Variants in PDCD11 observed in about 807,000 individuals in gnomAD.
The protein encoded by PDCD11 is protein RRP5 homolog.
A neutral mutation model predicts 198.9 loss-of-function variants in PDCD11; 97 were observed. The ratio of observed to expected loss-of-function variants is 0.49; its 90% CI spans 0.41 to 0.58. The LOEUF (loss-of-function observed/expected upper bound fraction) is 0.58. Ranked by LOEUF, PDCD11 falls within the 20% of genes least tolerant of loss-of-function variation. The pLI is 0.00. For missense variants in PDCD11, 2,102 were observed against 2,312.7 expected (o/e 0.91, Z 1.87); for synonymous variants, 893 against 918.0 (o/e 0.97, Z 0.49).
At position 103,406,624 on chromosome 10, in the gene PDCD11, T is replaced by C. The variant is rs760474442; in HGVS notation, c.704T>C (p.Val235Ala). Reference protein sequence around the residue: ...RQKNKGAKLKVGQYLNCIVEK... With the variant: ...RQKNKGAKLKAGQYLNCIVEK... ...GGGCTTACAGGTGCTAAACTAAAGGTGGGTCAGTACCTGAACTGCATTGTT... is the reference window on the plus strand; with the variant it reads ...GGGCTTACAGGTGCTAAACTAAAGGCGGGTCAGTACCTGAACTGCATTGTT... The change falls in exon 7 of 36, where the codon GTG becomes GCG. Residue 235 changes from valine to alanine, a missense_variant. Physicochemically the swap from Val to Ala is moderately conservative, Grantham distance 64. Transcript: ENST00000369797. The C allele has an allele frequency of 1.2e-6, 2 of 1,613,786 alleles. No individual in the cohort carries two copies. The highest frequency in any genetic ancestry group is 1.7e-6 in the Non-Finnish European group (2 of 1,179,960).
chr10:103,429,762 T>C (rs1042119296), intron 21 of PDCD11, among the ~76,000 whole-genome samples: 1 of 152,230 alleles, frequency 6.6e-6, no homozygotes, highest in Non-Finnish European at 1.5e-5. Context: ...TTGTCTTGCG[T>C]GACTGAAACT....
At position 103,434,940 on chromosome 10, in the gene PDCD11, G is replaced by T. The variant is rs772234093; in HGVS notation, c.3810G>T (p.Thr1270=). Residue 1270 remains threonine (T), a synonymous_variant, in exon 25 of 36, where the codon ACG becomes ACT. Transcript: ENST00000369797. ...ACATGAGTGACTCCTACTCCGAGAC[G>T]CCCCTGGAAGACTTCGTCCCCCAGA... ...IFHMSDSYSE[T]PLEDFVPQKV... 3.8e-6 allele frequency: 6 copies of T among 1,587,002 alleles called. No homozygotes were observed. In the African/African-American group the frequency reaches 4.1e-5, roughly 11 times the overall value.
intron 28 of PDCD11, among the ~76,000 whole-genome samples, chr10:103,440,081 G>A (rs2032314032): frequency 6.6e-6 from 1 of 152,216 alleles, no homozygotes; most frequent in African/African-American, 2.4e-5. Flanking sequence ...GTTGGGGATG[G>A]TGGAGGGGGC....
intron 27 of PDCD11, among the ~76,000 whole-genome samples, chr10:103,439,271 G>A (rs1049994954): frequency 2.6e-5 from 4 of 152,200 alleles, no homozygotes; most frequent in African/African-American, 9.6e-5. Flanking sequence ...GAGCCCATAA[G>A]TTCGAGGTTA....
chr10:103,411,795 T>C (rs2133692920), intron 8 of PDCD11, among the ~76,000 whole-genome samples: 1 of 152,288 alleles, frequency 6.6e-6, no homozygotes, highest in Middle Eastern at 3.4e-3. Flanking sequence ...CTATAAGCAT[T>C]TGTGTATAGA....
At chr10:103,444,931 C>T (rs917147951) in intron 35 of PDCD11, among the ~76,000 whole-genome samples, 2 of 152,246 alleles carry the variant, frequency 1.3e-5, no homozygotes, top group Non-Finnish European at 2.9e-5. Context: ...ATAATTAACA[C>T]TGTTCCTGAC....
rs983779247 is a variant in PDCD11 at position 103,405,202 on chromosome 10, G to A, written c.564+19G>A. On this transcript the variant is annotated intron_variant, in intron 5 of 35. Transcript: ENST00000369797. ...TGGCATGGTAGGTGTCTAGGGTCGG[G>A]GAGGAAGAGTGGCAATGTGCCTTCT... 1 of 1,611,520 alleles carries A rather than the reference G, an allele frequency of 6.2e-7. No individual in the cohort carries two copies. The highest frequency in any genetic ancestry group is 8.5e-7 in the Non-Finnish European group (1 of 1,179,244).
intron 31 of PDCD11, 57 bp from the exon 32 acceptor site, chr10:103,442,156 A>T (rs1193802868): frequency 2.5e-6 from 4 of 1,598,250 alleles, no homozygotes; most frequent in Middle Eastern, 3.4e-4. Flanking sequence ...TCCACCACAG[A>T]CCTCCCCTAG....
At position 103,398,401 on chromosome 10, in the gene PDCD11, T is replaced by C; in HGVS notation, c.-11-15T>C. On this transcript the variant is annotated splice_polypyrimidine_tract_variant and intron_variant, in intron 1 of 35. Transcript: ENST00000369797. ...CAAGACAACATGTCACCATTATCCT[T>C]TGCATTGTTTTTAGGAGACCCAAAC... 1 of 1,469,758 alleles carries C rather than the reference T, an allele frequency of 6.8e-7. No individual in the cohort carries two copies. Among genetic ancestry groups the C allele is most frequent in the Non-Finnish European group, 9.5e-7 (1 of 1,048,432 alleles). The allele number at this position is 1,469,758 out of a possible 1,614,324, so 91.0% of individuals were successfully genotyped here.
At chr10:103,407,577 A>AAT (rs1014354389) in intron 7 of PDCD11, among the ~76,000 whole-genome samples, 2 of 151,822 alleles carry the variant, frequency 1.3e-5, no homozygotes, top group Non-Finnish European at 2.9e-5. Flanking sequence ...AAACAAACAA[A>AAT]ATATATATAT....
chr10:103,403,002 G>GTAA, intron 3 of PDCD11, 116 bp from the exon 4 acceptor site: 1 of 965,840 alleles, frequency 1.0e-6, no homozygotes, highest in Non-Finnish European at 1.6e-6. Context: ...ATTATAGGGC[G>GTAA]TAAGCCACTG....
chr10:103,416,397 C>T, intron 12 of PDCD11, 94 bp from the exon 13 acceptor site: 2 of 1,292,612 alleles, frequency 1.5e-6, no homozygotes, highest in South Asian at 1.3e-5. Flanking sequence ...TGGGGAATGG[C>T]CCCGTGGCTT....
chr10:103,418,282 A>G (rs1474592270), intron 14 of PDCD11, among the ~76,000 whole-genome samples, 158 bp from the exon 15 acceptor site: 1 of 152,154 alleles, frequency 6.6e-6, no homozygotes, highest in African/African-American at 2.4e-5. Context: ...ACGTACATGC[A>G]TGCTGGGTGG....
Position 103,421,568 on chromosome 10 carries a change from G to T in PDCD11, c.2497+1G>T, listed in dbSNP as rs2031430968. The stretch of plus-strand genomic sequence containing the variant: ...GTGCGCAGCCTTATGAGCAACCGAG[G>T]TGGGGCACCTGTGGGGCAGGGGAGG... On this transcript the variant is annotated splice_donor_variant, in intron 17 of 35. Coordinates refer to ENST00000369797, the MANE Select transcript of PDCD11 (RefSeq NM_014976.2). LOFTEE classifies it high-confidence loss of function. The T allele has an allele frequency of 1.3e-6, 2 of 1,554,944 alleles. No individual in the cohort carries two copies. Among genetic ancestry groups the T allele is most frequent in the Non-Finnish European group, 1.7e-6 (2 of 1,148,968 alleles).
At chr10:103,402,878 C>T (rs1176069367) in intron 3 of PDCD11, among the ~76,000 whole-genome samples, 1 of 152,080 alleles carries the variant, frequency 6.6e-6, no homozygotes, top group Admixed American at 6.6e-5. Context: ...CGACTACAGG[C>T]GTGTACCACT....
At chr10:103,418,377 T>C in intron 14 of PDCD11, 63 bp from the exon 15 acceptor site, 4 of 1,385,542 alleles carry the variant, frequency 2.9e-6, no homozygotes, top group Non-Finnish European at 4.0e-6. Flanking sequence ...CCCTGCCTAA[T>C]CCAGACCAGG....
rs139967706 is a variant in PDCD11 at position 103,396,692 on chromosome 10, C to G, written c.-50C>G. 1 of 152,604 alleles carries G rather than the reference C, an allele frequency of 6.6e-6. No homozygotes were observed. The highest frequency in any genetic ancestry group is 2.4e-5 in the African/African-American group (1 of 41,578). 9.5% of individuals were successfully genotyped at this position (152,604 alleles called of 1,614,324 possible). On this transcript the variant is annotated 5_prime_UTR_variant, in exon 1 of 36. Transcript: ENST00000369797. The stretch of plus-strand genomic sequence containing the variant: ...CTCCGCGTGTGTGAGTACCGCGGCG[C>G]GAGGTTAGTGGTAGCTGGGTGCAGA...
At chr10:103,434,100 G>T (rs1188303288) in intron 23 of PDCD11, 63 bp downstream of exon 23, 3 of 1,377,470 alleles carry the variant, frequency 2.2e-6, no homozygotes, top group African/African-American at 1.4e-5. Context: ...CCAGTGCCTG[G>T]TGTGTGGGTT....
intron 3 of PDCD11, among the ~76,000 whole-genome samples, chr10:103,402,902 CT>C (rs1046641975): frequency 5.3e-5 from 8 of 151,324 alleles, no homozygotes; most frequent in South Asian, 2.1e-4. Flanking sequence ...CCTGGCTAAT[CT>C]TTTTTTTTGG....
Sources: gnomAD v4.1 joint callset for allele counts (sites outside exome capture counted in the v4.1 genomes callset) on GRCh38, gnomAD v4.1.1 for gene constraint, MANE v1.5 for transcripts, NCBI Gene and HGNC (gene_info 2026-07-23, HGNC 2026-07-21) for gene names.